NPTN: variants seen among roughly 807,000 people sequenced by gnomAD.
NPTN encodes the protein neuroplastin.
NPTN carries 5 observed loss-of-function variants against 42.7 expected under a neutral mutation model. The observed-to-expected ratio is 0.12, with a 90% CI of 0.06 to 0.25. The LOEUF (loss-of-function observed/expected upper bound fraction) is 0.25. Ranked by LOEUF, NPTN falls within the 10% of genes least tolerant of loss-of-function variation. The pLI, the probability that NPTN is intolerant of heterozygous loss-of-function variation, is 1.00. For missense variants in NPTN, 307 were observed against 525.4 expected, an observed-to-expected ratio of 0.58 and a Z score of 4.06; for synonymous variants, 180 against 201.9, an observed-to-expected ratio of 0.89 and a Z score of 0.92.
At chr15:73,626,125 A>C (rs1456477127) in intron 1 of NPTN, among the ~76,000 whole-genome samples, 1 of 152,260 alleles carries the variant, frequency 6.6e-6, no homozygotes, top group East Asian at 1.9e-4. Flanking sequence ...GAAAGATAAC[A>C]TAAAAATACA....
chr15:73,561,559 A>G (rs979485266), intron 8 of NPTN, among the ~76,000 whole-genome samples: 5 of 152,130 alleles, frequency 3.3e-5, no homozygotes, highest in Non-Finnish European at 5.9e-5. Flanking sequence ...GGGCAGCTGT[A>G]ATCCCAGCTA....
chr15:73,580,400 T>TTA (rs1303418461), intron 4 of NPTN, among the ~76,000 whole-genome samples: 2 of 104,726 alleles, frequency 1.9e-5, no homozygotes, highest in Non-Finnish European at 1.8e-5. Context: ...AATATATATA[T>TTA]TATATATATA....
chr15:73,573,686 G>T lies in NPTN; in HGVS notation c.816C>A (p.Arg272=). ...VGYPHPDWIW[R]KKENGMPMDI... ...CCATGGGCATCCCGTTCTCCTTCTT[G>T]CGCCATATCCAGTCTGGGTGGGGGT... The change falls in exon 5 of 9, where the codon CGC becomes CGA. Residue 272 remains arginine (R), a synonymous_variant. Coordinates refer to ENST00000345330, the MANE Select transcript of NPTN (RefSeq NM_012428.4). 1 of 1,584,436 alleles carries T rather than the reference G, an allele frequency of 6.3e-7. No homozygotes were observed. The highest frequency in any genetic ancestry group is 1.2e-5 in the South Asian group (1 of 85,878).
chr15:73,587,647 AG>A (rs1896381753), intron 3 of NPTN, 29 bp from the exon 4 acceptor site: 3 of 1,496,408 alleles, frequency 2.0e-6, no homozygotes, highest in Non-Finnish European at 2.8e-6. Flanking sequence ...AAACCAAGTG[AG>A]GAAACTGGGA....
chr15:73,574,356 G>T (rs1334373901), intron 4 of NPTN, among the ~76,000 whole-genome samples: 1 of 152,172 alleles, frequency 6.6e-6, no homozygotes, highest in Non-Finnish European at 1.5e-5. Context: ...CCAGAAACTG[G>T]TCTTCACAAG....
At chr15:73,567,002 C>CTTTT in intron 6 of NPTN, 2 of 829,394 alleles carry the variant, frequency 2.4e-6, no homozygotes, top group Non-Finnish European at 2.8e-6. Context: ...AGACATGGGG[C>CTTTT]TTTTTTTTTT....
chr15:73,588,499 T>C (rs1026364609), intron 3 of NPTN, among the ~76,000 whole-genome samples: 4 of 152,140 alleles, frequency 2.6e-5, no homozygotes, highest in African/African-American at 7.2e-5. Context: ...TGGTGATAAA[T>C]CCCAGGGCCC....
At chr15:73,576,778 C>G (rs1442537891) in intron 4 of NPTN, among the ~76,000 whole-genome samples, 1 of 152,172 alleles carries the variant, frequency 6.6e-6, no homozygotes, top group Non-Finnish European at 1.5e-5. Context: ...CTTCATGGAA[C>G]AGAGTTCTGT....
chr15:73,630,266 C>G (rs530792648), intron 1 of NPTN, among the ~76,000 whole-genome samples: 2 of 152,336 alleles, frequency 1.3e-5, no homozygotes, highest in South Asian at 2.1e-4. Flanking sequence ...CTACTGACAG[C>G]TGGAACTCAA....
chr15:73,596,666 G>A (rs570405758), intron 2 of NPTN, among the ~76,000 whole-genome samples: 11 of 152,110 alleles, frequency 7.2e-5, no homozygotes, highest in Non-Finnish European at 1.3e-4. Flanking sequence ...TCCTTGGACT[G>A]CCTGGTTTTA....
At chr15:73,580,578 T>A (rs1895985209) in intron 4 of NPTN, among the ~76,000 whole-genome samples, 1 of 121,484 alleles carries the variant, frequency 8.2e-6, no homozygotes. Flanking sequence ...GTTATATATG[T>A]ATATACATGT....
chr15:73,612,399 C>T (rs925833019), intron 1 of NPTN, among the ~76,000 whole-genome samples: 3 of 147,156 alleles, frequency 2.0e-5, no homozygotes, highest in Non-Finnish European at 3.0e-5. Flanking sequence ...AACCTAGGCC[C>T]ACAGAGCGAG....
At chr15:73,612,696 G>A (rs959330305) in intron 1 of NPTN, among the ~76,000 whole-genome samples, 5 of 152,152 alleles carry the variant, frequency 3.3e-5, no homozygotes, top group Non-Finnish European at 5.9e-5. Flanking sequence ...CGTGAACCCG[G>A]GAGGCGGAGC....
chr15:73,583,054 A>G (rs1319289849), intron 4 of NPTN, among the ~76,000 whole-genome samples: 2 of 152,194 alleles, frequency 1.3e-5, no homozygotes, highest in African/African-American at 4.8e-5. Context: ...TCCCTCTAGG[A>G]AACACTAATA....
At chr15:73,568,284 T>G in intron 6 of NPTN, 8 of 985,478 alleles carry the variant, frequency 8.1e-6, no homozygotes, top group Non-Finnish European at 9.6e-6. Flanking sequence ...TGCATCACTC[T>G]CACCAGTGGC....
intron 1 of NPTN, among the ~76,000 whole-genome samples, chr15:73,626,324 A>G (rs1026987630): frequency 6.6e-6 from 1 of 152,206 alleles, no homozygotes; most frequent in Non-Finnish European, 1.5e-5. Context: ...CAAGAACTGC[A>G]AGGGTTGTCT....
intron 3 of NPTN, among the ~76,000 whole-genome samples, chr15:73,590,490 A>G (rs1896532077): frequency 1.3e-5 from 2 of 152,046 alleles, no homozygotes; most frequent in Non-Finnish European, 2.9e-5. Flanking sequence ...GGCTGGACAC[A>G]GTGGCTCACG....
chr15:73,587,992 A>G (rs929832090), intron 3 of NPTN, among the ~76,000 whole-genome samples: 3 of 152,222 alleles, frequency 2.0e-5, no homozygotes, highest in African/African-American at 7.2e-5. Flanking sequence ...CTGTAATCCT[A>G]GCACTTTAGG....
At chr15:73,589,059 T>C (rs1322069529) in intron 3 of NPTN, among the ~76,000 whole-genome samples, 1 of 152,004 alleles carries the variant, frequency 6.6e-6, no homozygotes, top group Non-Finnish European at 1.5e-5. Flanking sequence ...GGGTCAGGCG[T>C]GGTGGCTCAC....
Sources: allele counts gnomAD v4.1 joint callset (sites outside exome capture counted in the v4.1 genomes callset), GRCh38; gene constraint gnomAD v4.1.1; transcripts MANE v1.5; gene names NCBI Gene and HGNC (gene_info 2026-07-23, HGNC 2026-07-21).